The following NUBPL variants were observed in gnomAD, a reference collection of about 807,000 sequenced individuals.
The protein encoded by NUBPL is iron-sulfur cluster transfer protein NUBPL.
Under a neutral mutation model 45.7 loss-of-function variants are expected in NUBPL, and 31 were observed. That is an observed-to-expected ratio of 0.68 (90% CI 0.51 to 0.92). The LOEUF is 0.92. NUBPL is among the 40% of genes least tolerant of loss of function. The pLI, the probability that NUBPL is intolerant of heterozygous loss-of-function variation, is 0.00. For missense variants in NUBPL, 401 were observed against 398.7 expected, an observed-to-expected ratio of 1.01 and a Z score of -0.05; for synonymous variants, 144 against 140.9, an observed-to-expected ratio of 1.02 and a Z score of -0.15.
At chr14:31,680,740 T>C (rs2036813323) in intron 6 of NUBPL, among the ~76,000 whole-genome samples, 1 of 152,146 alleles carries the variant, frequency 6.6e-6, no homozygotes, top group Non-Finnish European at 1.5e-5. Context: ...ATAATTGCTG[T>C]ATTACTTATA....
At chr14:31,721,838 C>T (rs995134646) in intron 6 of NUBPL, among the ~76,000 whole-genome samples, 93 of 152,134 alleles carry the variant, frequency 6.1e-4, no homozygotes, top group Non-Finnish European at 3.1e-4. Flanking sequence ...CATCTCTTAG[C>T]TCCCTCACTT....
At chr14:31,705,193 TG>T (rs2037420582) in intron 6 of NUBPL, among the ~76,000 whole-genome samples, 1 of 152,136 alleles carries the variant, frequency 6.6e-6, no homozygotes, top group Non-Finnish European at 1.5e-5. Context: ...TCGTCCCTCC[TG>T]GTGGGTTCAT....
intron 3 of NUBPL, among the ~76,000 whole-genome samples, chr14:31,593,903 T>C (rs926408876): frequency 2.0e-5 from 3 of 151,972 alleles, no homozygotes; most frequent in Non-Finnish European, 4.4e-5. Context: ...ATGGAATAGA[T>C]TAGAAAAGGG....
chr14:31,735,801 G>A (rs1398964775), intron 6 of NUBPL, among the ~76,000 whole-genome samples: 1 of 152,090 alleles, frequency 6.6e-6, no homozygotes, highest in East Asian at 1.9e-4. Context: ...GCAGTTAGTC[G>A]GGATTGCACC....
rs186612095 is a variant in NUBPL, at chr14:31,728,195, T to C, written c.513+54621T>C. On this transcript the variant is annotated intron_variant, in intron 6 of 10. Coordinates refer to ENST00000281081, the MANE Select transcript of NUBPL (RefSeq NM_025152.3). ...AAAACATTCATATTTTTTCATAGATTCAGGTGCTTTTTACTTGATATTTAT... is the reference window on the plus strand; with the variant it reads ...AAAACATTCATATTTTTTCATAGATCCAGGTGCTTTTTACTTGATATTTAT... Among the ~76,000 whole-genome samples, 381 of 152,210 alleles carry C rather than the reference T, an allele frequency of 2.5e-3. 5 individuals are homozygous for C. The highest frequency in any genetic ancestry group is 0.021 in the South Asian group (100 of 4,822).
At chr14:31,673,603 A>T in intron 6 of NUBPL, 29 bp downstream of exon 6, 8 of 1,568,328 alleles carry the variant, frequency 5.1e-6, no homozygotes, top group Non-Finnish European at 6.1e-6. Flanking sequence ...ATATCATTTT[A>T]TCATTGGCAA....
intron 4 of NUBPL, among the ~76,000 whole-genome samples, chr14:31,632,964 A>C (rs1008646028): frequency 1.3e-5 from 2 of 152,242 alleles, no homozygotes; most frequent in African/African-American, 4.8e-5. Flanking sequence ...TTATTAATAG[A>C]CATGGATGGG....
chr14:31,761,334 G>C (rs7493577), intron 6 of NUBPL, among the ~76,000 whole-genome samples: 70,529 of 151,970 alleles, frequency 0.46, 17,696 homozygotes, highest in African/African-American at 0.67. Flanking sequence ...GCCACCATGC[G>C]CGGCTAATTT....
intron 4 of NUBPL, among the ~76,000 whole-genome samples, chr14:31,602,429 C>T (rs2034466469): frequency 6.7e-6 from 1 of 148,970 alleles, no homozygotes; most frequent in South Asian, 2.1e-4. Context: ...ACATGGAAGA[C>T]TGTACTTTGA....
At chr14:31,638,222 A>C (rs1480642827) in intron 4 of NUBPL, among the ~76,000 whole-genome samples, 1 of 152,070 alleles carries the variant, frequency 6.6e-6, no homozygotes, top group African/African-American at 2.4e-5. Flanking sequence ...TGCAGCAGCT[A>C]GTACCGGTTG....
chr14:31,819,755 A>G (rs2039983298), intron 7 of NUBPL, among the ~76,000 whole-genome samples: 1 of 152,222 alleles, frequency 6.6e-6, no homozygotes, highest in Non-Finnish European at 1.5e-5. Flanking sequence ...CTCAGCTGAT[A>G]GGAAGCCTTT....
At chr14:31,779,052 A>G (rs1336971966) in intron 6 of NUBPL, among the ~76,000 whole-genome samples, 1 of 152,100 alleles carries the variant, frequency 6.6e-6, no homozygotes, top group African/African-American at 2.4e-5. Flanking sequence ...TAGAAAGAGA[A>G]CCTTATGGGT....
intron 6 of NUBPL, among the ~76,000 whole-genome samples, chr14:31,764,007 C>T (rs938030348): frequency 5.3e-5 from 8 of 152,144 alleles, no homozygotes; most frequent in East Asian, 1.9e-4. Flanking sequence ...ATTTTTGTCA[C>T]GATAATCTTA....
intron 6 of NUBPL, among the ~76,000 whole-genome samples, chr14:31,703,944 G>T (rs1037525779): frequency 1.3e-5 from 2 of 152,188 alleles, no homozygotes; most frequent in African/African-American, 4.8e-5. Context: ...GAAGCAGTAT[G>T]ATAATTGTCC....
chr14:31,816,716 T>C (rs748022369), intron 7 of NUBPL, among the ~76,000 whole-genome samples: 1 of 152,190 alleles, frequency 6.6e-6, no homozygotes, highest in Non-Finnish European at 1.5e-5. Flanking sequence ...TCCCAGAGAT[T>C]CTGGTTTGTC....
chr14:31,636,891 G>T (rs1030252655), intron 4 of NUBPL, among the ~76,000 whole-genome samples: 55 of 152,138 alleles, frequency 3.6e-4, no homozygotes, highest in African/African-American at 1.2e-3. Context: ...GTTGTTTGTA[G>T]TATTCTCTGA....
intron 9 of NUBPL, among the ~76,000 whole-genome samples, chr14:31,848,427 C>A (rs2040486954): frequency 6.6e-6 from 1 of 152,192 alleles, no homozygotes; most frequent in Admixed American, 6.5e-5. Context: ...GACTCCCTGG[C>A]AGACTCTTAA....
chr14:31,631,254 G>T (rs907041756), intron 4 of NUBPL, among the ~76,000 whole-genome samples: 1 of 152,026 alleles, frequency 6.6e-6, no homozygotes, highest in Admixed American at 6.6e-5. Context: ...GGGTTGGGGG[G>T]CTACTCAGGG....
At chr14:31,766,602 G>A (rs78451712) in intron 6 of NUBPL, among the ~76,000 whole-genome samples, 9,572 of 152,070 alleles carry the variant, frequency 0.063, 416 homozygotes, top group Non-Finnish European at 0.091. Flanking sequence ...AACTGCTGTC[G>A]GCCACCTCCA....
Sources: gnomAD v4.1 joint callset for allele counts (sites outside exome capture counted in the v4.1 genomes callset) on GRCh38, gnomAD v4.1.1 for gene constraint, MANE v1.5 for transcripts, NCBI Gene and HGNC (gene_info 2026-07-23, HGNC 2026-07-21) for gene names.